Variants in NALF1 observed in about 807,000 individuals in gnomAD.
NALF1 encodes family with sequence similarity 155 member A.
A neutral mutation model predicts 48.4 loss-of-function variants in NALF1; 3 were observed. The observed-to-expected ratio is 0.06, with a 90% confidence interval of 0.03 to 0.16. The LOEUF (loss-of-function observed/expected upper bound fraction) is 0.16. Ranked by LOEUF, NALF1 falls within the 10% of genes least tolerant of loss-of-function variation. The pLI, the probability that NALF1 is intolerant of heterozygous loss-of-function variation, is 1.00. For synonymous variants in NALF1, 262 were observed against 245.7 expected (o/e 1.07, Z -0.62); for missense variants, 526 against 571.5 (o/e 0.92, Z 0.81).
At chr13:107,482,320 T>TGTGGCCACCCTCACAGAC (rs1327262745) in intron 1 of NALF1, among the ~76,000 whole-genome samples, 15 of 152,268 alleles carry the variant, frequency 9.9e-5, no homozygotes, top group Middle Eastern at 3.4e-3. Flanking sequence ...GCCAATTCTT[T>TGTGGCCACCCTCACAGAC]ACAACAAATC....
chr13:107,716,806 G>A (rs1476509325), intron 1 of NALF1, among the ~76,000 whole-genome samples: 1 of 152,152 alleles, frequency 6.6e-6, no homozygotes, highest in African/African-American at 2.4e-5. Flanking sequence ...ACCAACTCTT[G>A]TTACTGACGG....
intron 1 of NALF1, among the ~76,000 whole-genome samples, chr13:107,252,558 C>T (rs1880725030): frequency 6.6e-6 from 1 of 151,740 alleles, no homozygotes; most frequent in South Asian, 2.1e-4. Context: ...GAGAGTGAGC[C>T]CACTCTGGAA....
At chr13:107,783,243 G>T (rs1468222550) in intron 1 of NALF1, among the ~76,000 whole-genome samples, 7 of 140,240 alleles carry the variant, frequency 5.0e-5, no homozygotes, top group Non-Finnish European at 1.1e-4. Context: ...GGAGGTGGGG[G>T]GGTCAGCCCC....
intron 1 of NALF1, among the ~76,000 whole-genome samples, chr13:107,763,034 T>C (rs904180029): frequency 6.1e-5 from 9 of 147,390 alleles, no homozygotes; most frequent in Non-Finnish European, 1.3e-4. Context: ...ACACATCTGT[T>C]TGATACCTTT....
chr13:107,453,300 A>T (rs144880083), intron 1 of NALF1, among the ~76,000 whole-genome samples: 208 of 152,330 alleles, frequency 1.4e-3, no homozygotes, highest in Non-Finnish European at 1.8e-3. Context: ...CTCTGCCTGG[A>T]CATCCAAGCA....
At position 107,660,481 on chromosome 13, in the gene NALF1, ACAC is replaced by A. The variant is rs1566434098; in HGVS notation, c.915+205198_915+205200del. 4.9e-3 allele frequency among the ~76,000 whole-genome samples: 435 copies of A among 88,322 alleles called. 8 individuals are homozygous for A. Among genetic ancestry groups the A allele is most frequent in the African/African-American group, 0.019 (379 of 20,360 alleles). The allele number at this position is 88,322 out of a possible 152,430, so 57.9% of individuals were successfully genotyped here. ...CACACACACACACACACACACACAC[ACAC>A]AACAAAGAAACAAAAAAACAAACAA... On this transcript the variant is annotated intron_variant, in intron 1 of 2. Coordinates refer to ENST00000375915, the MANE Select transcript of NALF1 (RefSeq NM_001080396.3).
chr13:107,432,378 C>A (rs1484061668), intron 1 of NALF1, among the ~76,000 whole-genome samples: 1 of 152,144 alleles, frequency 6.6e-6, no homozygotes, highest in South Asian at 2.1e-4. Flanking sequence ...ACTATCATCA[C>A]AAATTTCTTG....
At chr13:107,667,358 T>A (rs1880885548) in intron 1 of NALF1, among the ~76,000 whole-genome samples, 1 of 151,982 alleles carries the variant, frequency 6.6e-6, no homozygotes, top group African/African-American at 2.4e-5. Flanking sequence ...GGAGATCCTA[T>A]CAACACCACC....
At chr13:107,609,700 T>A (rs144228583) in intron 1 of NALF1, among the ~76,000 whole-genome samples, 2 of 152,340 alleles carry the variant, frequency 1.3e-5, no homozygotes, top group East Asian at 3.9e-4. Context: ...AAAAAAATGT[T>A]GAATTCCATA....
At chr13:107,701,950 T>G (rs916936854) in intron 1 of NALF1, among the ~76,000 whole-genome samples, 5 of 152,184 alleles carry the variant, frequency 3.3e-5, no homozygotes, top group African/African-American at 1.2e-4. Flanking sequence ...GGAGGGCTTC[T>G]GAAATTACAC....
chr13:107,388,188 T>C (rs565524032), intron 1 of NALF1, among the ~76,000 whole-genome samples: 4 of 152,376 alleles, frequency 2.6e-5, no homozygotes, highest in Admixed American at 2.6e-4. Flanking sequence ...TCATTTATAA[T>C]GTACGTCATT....
At chr13:107,344,103 T>C (rs1422502549) in intron 1 of NALF1, among the ~76,000 whole-genome samples, 1 of 152,014 alleles carries the variant, frequency 6.6e-6, no homozygotes, top group African/African-American at 2.4e-5. Flanking sequence ...AATGGATATG[T>C]TTCCAGAAAT....
chr13:107,595,436 C>T (rs1878716987), intron 1 of NALF1, among the ~76,000 whole-genome samples: 2 of 152,132 alleles, frequency 1.3e-5, no homozygotes, highest in South Asian at 4.1e-4. Context: ...GCACTAGAAA[C>T]ACAGTGGTAT....
chr13:107,831,766 T>C lies in NALF1; in HGVS notation c.915+33916A>G, dbSNP rs1879739336. On this transcript the variant is annotated intron_variant, in intron 1 of 2. Transcript: ENST00000375915. ...GCGCGTATTTGCAGCCCCTGGGATTTTGTTGTTGAAAACAATGTATGCCAC... is the reference window on the plus strand; with the variant it reads ...GCGCGTATTTGCAGCCCCTGGGATTCTGTTGTTGAAAACAATGTATGCCAC... Among the ~76,000 whole-genome samples the C allele has an allele frequency of 1.3e-5, 2 of 152,322 alleles. 1 individual carries two copies. Among genetic ancestry groups the C allele is most frequent in the Middle Eastern group, 6.8e-3 (2 of 294 alleles).
chr13:107,412,876 A>G (rs1022374311), intron 1 of NALF1, among the ~76,000 whole-genome samples: 1 of 152,224 alleles, frequency 6.6e-6, no homozygotes, highest in African/African-American at 2.4e-5. Context: ...ATGAACTTAC[A>G]CAATCTTCCC....
At chr13:107,381,926 G>A (rs1163399276) in intron 1 of NALF1, among the ~76,000 whole-genome samples, 2 of 152,088 alleles carry the variant, frequency 1.3e-5, no homozygotes, top group Non-Finnish European at 2.9e-5. Flanking sequence ...TCCTCCCCAA[G>A]CACTTTTCTC....
At position 107,236,703 on chromosome 13, in the gene NALF1, A is replaced by G. The variant is rs139634306; in HGVS notation, c.916-25948T>C. ...TATCTATCTATCTATCTATCTATCTATCTATCTATCTATCTATCTATCTAT... is the reference window on the plus strand; with the variant it reads ...TATCTATCTATCTATCTATCTATCTGTCTATCTATCTATCTATCTATCTAT... On this transcript the variant is annotated intron_variant, in intron 1 of 2. Coordinates refer to ENST00000375915, the MANE Select transcript of NALF1 (RefSeq NM_001080396.3). Among the ~76,000 whole-genome samples, 1,295 of 151,386 alleles carry G rather than the reference A, an allele frequency of 8.6e-3. 22 individuals are homozygous for G. The highest frequency in any genetic ancestry group is 0.03 in the African/African-American group (1,244 of 41,170).
chr13:107,494,614 C>T (rs1875263885), intron 1 of NALF1, among the ~76,000 whole-genome samples: 1 of 152,170 alleles, frequency 6.6e-6, no homozygotes, highest in Non-Finnish European at 1.5e-5. Context: ...TGCATTGGAA[C>T]CATGAGTCTT....
chr13:107,228,334 A>G lies in NALF1; in HGVS notation c.916-17579T>C, dbSNP rs143742237. On this transcript the variant is annotated intron_variant, in intron 1 of 2. Transcript: ENST00000375915. ...TTTGAATAATGTTAGACAATCCTGC[A>G]TATCAAAGAAGTAGAGGGTGGAAAG... Among the ~76,000 whole-genome samples the G allele has an allele frequency of 5.4e-3, 828 of 152,318 alleles. 6 individuals are homozygous for G. Among genetic ancestry groups the G allele is most frequent in the Non-Finnish European group, 8.8e-3 (601 of 68,030 alleles).
Sources: allele counts gnomAD v4.1 joint callset (sites outside exome capture counted in the v4.1 genomes callset), GRCh38; gene constraint gnomAD v4.1.1; transcripts MANE v1.5; gene names NCBI Gene and HGNC (gene_info 2026-07-23, HGNC 2026-07-21).